Variants in CAPRIN2 observed in about 807,000 individuals in gnomAD.
CAPRIN2 encodes the protein caprin family member 2, also known as caprin-2.
Under a neutral mutation model 130.4 loss-of-function variants are expected in CAPRIN2, and 66 were observed. The ratio of observed to expected loss-of-function variants is 0.51; its 90% CI spans 0.42 to 0.62. The LOEUF (loss-of-function observed/expected upper bound fraction) is 0.62, where lower values mean the gene tolerates loss of function less well. Among genes scored for constraint, CAPRIN2 ranks in the 20% least tolerant of loss-of-function variants. The pLI is 0.00. For synonymous variants in CAPRIN2, 471 were observed against 444.1 expected, an observed-to-expected ratio of 1.06 and a Z score of -0.76; for missense variants, 1,185 against 1,246.6, an observed-to-expected ratio of 0.95 and a Z score of 0.74.
chr12:30,749,555 T>C (rs984323756), intron 2 of CAPRIN2, among the ~76,000 whole-genome samples: 1 of 152,182 alleles, frequency 6.6e-6, no homozygotes, highest in African/African-American at 2.4e-5. Context: ...AAGGGAGAAG[T>C]GAGCAGACTT....
rs540937778 is a variant in CAPRIN2 at position 30,736,739 on chromosome 12, A to G, written c.571-1533T>C. Among the ~76,000 whole-genome samples, 20 of 152,334 alleles carry G rather than the reference A, an allele frequency of 1.3e-4. No individual in the cohort carries two copies. In the South Asian group the frequency reaches 3.7e-3, roughly 28 times the overall value. ...GTAAGGCTTTTTGCAAGACCTCAGTATAGACTGCATCAATAACACTTACCA... is the reference window on the plus strand; with the variant it reads ...GTAAGGCTTTTTGCAAGACCTCAGTGTAGACTGCATCAATAACACTTACCA... On this transcript the variant is annotated intron_variant, in intron 3 of 16. Coordinates refer to ENST00000298892, the Ensembl canonical transcript of CAPRIN2.
chr12:30,720,919 G>A lies in CAPRIN2; in HGVS notation c.2044-4C>T, dbSNP rs745525881. On this transcript the variant is annotated splice_polypyrimidine_tract_variant and splice_region_variant and intron_variant, in intron 11 of 16. Transcript: ENST00000298892. ...AAGTAACTGGAGAAGAAGTAGCCTA[G>A]ACACAGGAAAATACAAAATATTGTA... 2 of 1,596,672 alleles carry A rather than the reference G, an allele frequency of 1.3e-6. No homozygotes were observed. The highest frequency in any genetic ancestry group is 8.6e-7 in the Non-Finnish European group (1 of 1,164,346).
At chr12:30,711,595 G>C (rs2054630284) in exon 16 of CAPRIN2, 1 of 1,613,698 alleles carries the variant, frequency 6.2e-7, no homozygotes, top group Admixed American at 1.7e-5. Context: ...ACCACCAGAT[G>C]TCCCTCCTCG....
intron 3 of CAPRIN2, among the ~76,000 whole-genome samples, chr12:30,739,174 C>A (rs1342700891): frequency 2.0e-5 from 3 of 152,114 alleles, no homozygotes; most frequent in Non-Finnish European, 4.4e-5. Flanking sequence ...CAATGATAGA[C>A]CAGATAAAGA....
At chr12:30,728,583 G>A in intron 8 of CAPRIN2, 65 bp downstream of exon 9, 7 of 1,160,412 alleles carry the variant, frequency 6.0e-6, no homozygotes, top group Non-Finnish European at 8.5e-6. Context: ...GAACTAAAAA[G>A]TCATTACCAC....
At chr12:30,739,231 G>C (rs2066231468) in intron 3 of CAPRIN2, among the ~76,000 whole-genome samples, 1 of 152,184 alleles carries the variant, frequency 6.6e-6, no homozygotes, top group African/African-American at 2.4e-5. Context: ...CCATAAAAAA[G>C]AACAAGATCA....
At chr12:30,734,616 T>A (rs917581384) in intron 4 of CAPRIN2, among the ~76,000 whole-genome samples, 1 of 152,118 alleles carries the variant, frequency 6.6e-6, no homozygotes, top group African/African-American at 2.4e-5. Context: ...TCTGAGAAAA[T>A]TACTTTAAAA....
intron 3 of CAPRIN2, among the ~76,000 whole-genome samples, chr12:30,737,489 T>C (rs191612432): frequency 5.0e-4 from 76 of 152,222 alleles, no homozygotes; most frequent in African/African-American, 1.7e-3. Context: ...TCTCCTTCTT[T>C]AGATGAAAAT....
At position 30,741,122 on chromosome 12, in the gene CAPRIN2, A is replaced by G; in HGVS notation, c.484-16T>C. 1 of 1,474,692 alleles carries G rather than the reference A, an allele frequency of 6.8e-7. No individual in the cohort carries two copies. The highest frequency in any genetic ancestry group is 9.4e-7 in the Non-Finnish European group (1 of 1,061,606). The allele number at this position is 1,474,692 out of a possible 1,614,324, so 91.4% of individuals were successfully genotyped here. On this transcript the variant is annotated splice_polypyrimidine_tract_variant and intron_variant, in intron 2 of 16. Transcript: ENST00000298892. ...CTACAGCTTCCTACCAAATAGGATAAGAAAACATAAATTTTGTGACTGTTT... is the reference window on the plus strand; with the variant it reads ...CTACAGCTTCCTACCAAATAGGATAGGAAAACATAAATTTTGTGACTGTTT...
In CAPRIN2 at chr12:30,720,806, T is replaced by G; in HGVS notation, c.2148+5A>C. On this transcript the variant is annotated splice_donor_5th_base_variant and intron_variant, in intron 12 of 16. Coordinates refer to ENST00000298892, the Ensembl canonical transcript of CAPRIN2. Reference sequence around the variant, plus strand: ...CAAAAGAAATTAAGACAATTGGTCTTTTACCTCAGGAGTCTCTGAGGTCAT... The same window carrying G: ...CAAAAGAAATTAAGACAATTGGTCTGTTACCTCAGGAGTCTCTGAGGTCAT... 3 of 1,552,118 alleles carry G rather than the reference T, an allele frequency of 1.9e-6. No homozygotes were observed. The East Asian group carries it at 6.7e-5, about 35-fold the overall frequency.
At chr12:30,750,283 C>A (rs1195854865) in intron 2 of CAPRIN2, among the ~76,000 whole-genome samples, 1 of 152,022 alleles carries the variant, frequency 6.6e-6, no homozygotes, top group African/African-American at 2.4e-5. Context: ...TGATGTATAG[C>A]GAAAGATTTC....
In CAPRIN2 at chr12:30,731,216, T is replaced by C. The variant is rs989902915; in HGVS notation, c.1060+127A>G. On this transcript the variant is annotated intron_variant, in intron 6 of 16. Transcript: ENST00000298892. ...TTATAAACCTAGGTTTATCCTGTGGTAAGTAAAGATTTCCATGCATGTAGA... is the reference window on the plus strand; with the variant it reads ...TTATAAACCTAGGTTTATCCTGTGGCAAGTAAAGATTTCCATGCATGTAGA... 4 of 609,482 alleles carry C rather than the reference T, an allele frequency of 6.6e-6. No individual in the cohort carries two copies. In the Admixed American group the frequency reaches 1.3e-4, roughly 20 times the overall value. The allele number at this position is 609,482 out of a possible 1,614,324, so 37.8% of individuals were successfully genotyped here. A position where few individuals can be genotyped will look rare whatever the true frequency, so the allele number is the denominator to read the frequency against.
intron 2 of CAPRIN2, among the ~76,000 whole-genome samples, chr12:30,750,476 A>G (rs796734262): frequency 1.3e-5 from 2 of 152,218 alleles, no homozygotes; most frequent in African/African-American, 4.8e-5. Flanking sequence ...ATTACCAGGT[A>G]TATCATTGAG....
Position 30,720,582 on chromosome 12 carries a change from T to C in CAPRIN2, c.2148+229A>G, listed in dbSNP as rs2059109965. 5 of 341,374 alleles carry C rather than the reference T, an allele frequency of 1.5e-5. No individual in the cohort carries two copies. In the East Asian group the frequency reaches 1.9e-4, roughly 13 times the overall value. 21.1% of individuals were successfully genotyped at this position (341,374 alleles called of 1,614,324 possible). ...ACTTTTCATTTTTTTAGATTAAAAA[T>C]GGACATTTATTGCACTAGATAAGGC... On this transcript the variant is annotated intron_variant, in intron 12 of 16. Coordinates refer to ENST00000298892, the Ensembl canonical transcript of CAPRIN2.
intron 3 of CAPRIN2, among the ~76,000 whole-genome samples, chr12:30,736,887 T>G (rs983780862): frequency 3.9e-5 from 6 of 152,222 alleles, no homozygotes; most frequent in Non-Finnish European, 7.3e-5. Context: ...ACAGGGCATC[T>G]TCAGACAATT....
exon 10 of CAPRIN2, chr12:30,724,376 G>T: frequency 6.2e-7 from 1 of 1,604,942 alleles, no homozygotes; most frequent in South Asian, 1.1e-5. Flanking sequence ...ATACCTACGG[G>T]GCTACCTGGA....
intron 11 of CAPRIN2, 94 bp from the exon 13 acceptor site, chr12:30,721,009 G>T: frequency 1.3e-6 from 1 of 799,532 alleles, no homozygotes; most frequent in Non-Finnish European, 2.2e-6. Flanking sequence ...TACTCTTACT[G>T]AACACGCACA....
chr12:30,745,225 G>C (rs1312066129), intron 2 of CAPRIN2, among the ~76,000 whole-genome samples: 3 of 152,162 alleles, frequency 2.0e-5, no homozygotes, highest in Non-Finnish European at 4.4e-5. Flanking sequence ...AAGACATCAA[G>C]TTCCCTTTGC....
At chr12:30,721,157 A>G (rs955572896) in intron 11 of CAPRIN2, among the ~76,000 whole-genome samples, 1 of 152,240 alleles carries the variant, frequency 6.6e-6, no homozygotes, top group Non-Finnish European at 1.5e-5. Context: ...GCCCAAGATC[A>G]TACTACAATT....
Sources: gnomAD v4.1 joint callset for allele counts (sites outside exome capture counted in the v4.1 genomes callset) on GRCh38, gnomAD v4.1.1 for gene constraint, MANE v1.5 for transcripts, NCBI Gene and HGNC (gene_info 2026-07-23, HGNC 2026-07-21) for gene names.